PPFIBP1: variants seen among roughly 807,000 people sequenced by gnomAD.
PPFIBP1 encodes the protein liprin-beta-1.
A neutral mutation model predicts 137.8 loss-of-function variants in PPFIBP1; 112 were observed. The ratio of observed to expected loss-of-function variants is 0.81; its 90% confidence interval spans 0.70 to 0.95. The LOEUF is 0.95. Ranked by LOEUF, PPFIBP1 falls within the 40% of genes least tolerant of loss-of-function variation. The probability of loss-of-function intolerance (pLI) is 0.00; values close to 1 mark genes in which losing one functional copy is unlikely to be tolerated. For missense variants in PPFIBP1, 1,083 were observed against 1,196.6 expected, an observed-to-expected ratio of 0.91 and a Z score of 1.40; for synonymous variants, 378 against 417.3, an observed-to-expected ratio of 0.91 and a Z score of 1.15.
intron 1 of PPFIBP1, among the ~76,000 whole-genome samples, chr12:27,532,643 G>T (rs1565715334): frequency 6.6e-6 from 1 of 152,160 alleles, no homozygotes; most frequent in Non-Finnish European, 1.5e-5. Flanking sequence ...TTCATTAGAA[G>T]AGGTGGGATT....
At chr12:27,678,912 A>G (rs1272551094) in intron 19 of PPFIBP1, among the ~76,000 whole-genome samples, 3 of 151,518 alleles carry the variant, frequency 2.0e-5, no homozygotes, top group Non-Finnish European at 4.4e-5. Context: ...TCTCGGGGAA[A>G]TTGGATGAGT....
chr12:27,620,413 G>A lies in PPFIBP1; in HGVS notation c.-35-12949G>A, dbSNP rs560308557. ...CTACATGAAGCTCTCCCTTCTAGGG[G>A]CCTTTGCATTTACTGTTGTTTCTCC... is the stretch of plus-strand genomic sequence containing the variant. On this transcript the variant is annotated intron_variant, in intron 2 of 29. Coordinates refer to ENST00000228425, the MANE Select transcript of PPFIBP1 (RefSeq NM_003622.4). Among the ~76,000 whole-genome samples the A allele has an allele frequency of 3.3e-5, 5 of 152,266 alleles. No individual in the cohort carries two copies. In the South Asian group the frequency reaches 1.0e-3, roughly 32 times the overall value.
In PPFIBP1 at chr12:27,524,356, C is replaced by T. The variant is rs1385279341; in HGVS notation, c.-133C>T. ...TTTGGAACTAGTGCCGGCGGCTCTC[C>T]ACCCCCCAGGTAAGGGCGTTTTGCT... On this transcript the variant is annotated 5_prime_UTR_variant, in exon 1 of 30. Coordinates refer to ENST00000228425, the MANE Select transcript of PPFIBP1 (RefSeq NM_003622.4). The T allele has an allele frequency of 2.0e-5, 3 of 152,238 alleles. No individual in the cohort carries two copies. The highest frequency in any genetic ancestry group is 4.4e-5 in the Non-Finnish European group (3 of 68,098). The allele number at this position is 152,238 out of a possible 1,614,324, so 9.4% of individuals were successfully genotyped here.
rs145205395 is a variant in PPFIBP1, at chr12:27,650,042, G to C, written c.504G>C (p.Gln168His). The change falls in exon 7 of 30, where the codon CAG (glutamine) becomes CAC (histidine). Residue 168 changes from glutamine to histidine, a missense_variant. Transcript: ENST00000228425. Reference protein sequence around the residue: ...ELLSRTSLETQKLDLMAEISN... With the variant: ...ELLSRTSLETHKLDLMAEISN... ...TAAGTAGGACATCCTTAGAAACTCA[G>C]AAGTTGGATCTGATGGCTGAAATAT... 2.4e-4 allele frequency: 382 copies of C among 1,603,408 alleles called. No homozygotes were observed. In the African/African-American group the frequency reaches 4.7e-3, roughly 20 times the overall value.
At chr12:27,654,540 T>C in intron 7 of PPFIBP1, 182 bp from the exon 8 acceptor site, 1 of 728,856 alleles carries the variant, frequency 1.4e-6, no homozygotes, top group Non-Finnish European at 2.0e-6. Context: ...AAAGGAATGT[T>C]TTAAATGGAA....
At chr12:27,558,099 T>A (rs2048846458) in intron 1 of PPFIBP1, among the ~76,000 whole-genome samples, 1 of 152,220 alleles carries the variant, frequency 6.6e-6, no homozygotes. Context: ...ACGTGGTTCT[T>A]AGGACTTTTG....
chr12:27,594,800 A>G (rs1247916814), intron 2 of PPFIBP1, among the ~76,000 whole-genome samples: 2 of 152,248 alleles, frequency 1.3e-5, no homozygotes, highest in East Asian at 1.9e-4. Context: ...TATCTTTTCT[A>G]TTTATATAAA....
At chr12:27,595,783 G>C (rs545017537) in intron 2 of PPFIBP1, among the ~76,000 whole-genome samples, 1 of 151,612 alleles carries the variant, frequency 6.6e-6, no homozygotes, top group African/African-American at 2.4e-5. Context: ...GAACCCAGGA[G>C]GCAGAGGTTG....
At chr12:27,555,842 C>A (rs932752892) in intron 1 of PPFIBP1, among the ~76,000 whole-genome samples, 4 of 152,112 alleles carry the variant, frequency 2.6e-5, no homozygotes, top group African/African-American at 9.7e-5. Context: ...AAGTTGGGCA[C>A]CATTTTACAT....
chr12:27,634,489 A>G (rs2057509750), intron 3 of PPFIBP1, among the ~76,000 whole-genome samples: 1 of 152,192 alleles, frequency 6.6e-6, no homozygotes, highest in African/African-American at 2.4e-5. Flanking sequence ...GATAGTCTTC[A>G]TCTGGGTTCA....
chr12:27,599,722 C>T (rs183163897), intron 2 of PPFIBP1, among the ~76,000 whole-genome samples: 1 of 152,182 alleles, frequency 6.6e-6, no homozygotes, highest in Non-Finnish European at 1.5e-5. Flanking sequence ...ACTGAGGGCA[C>T]AGCATCGTTT....
intron 1 of PPFIBP1, among the ~76,000 whole-genome samples, chr12:27,544,549 A>G (rs1946020773): frequency 1.3e-5 from 2 of 152,240 alleles, no homozygotes; most frequent in African/African-American, 4.8e-5. Context: ...TTACAAGAAA[A>G]AAACAAACAA....
At chr12:27,618,719 T>C (rs1248605540) in intron 2 of PPFIBP1, among the ~76,000 whole-genome samples, 2 of 152,242 alleles carry the variant, frequency 1.3e-5, no homozygotes, top group Non-Finnish European at 2.9e-5. Context: ...CCTGACCACC[T>C]TGGGCACATG....
chr12:27,654,847 C>G, intron 8 of PPFIBP1, 33 bp downstream of exon 8: 1 of 1,596,388 alleles, frequency 6.3e-7, no homozygotes, highest in Non-Finnish European at 8.5e-7. Context: ...CATTTTCAAA[C>G]AAATGGCATC....
intron 11 of PPFIBP1, among the ~76,000 whole-genome samples, chr12:27,662,566 G>A (rs1204135484): frequency 6.6e-6 from 1 of 152,152 alleles, no homozygotes; most frequent in East Asian, 1.9e-4. Context: ...TTTACGGGTT[G>A]ACAAGATTTA....
At position 27,634,270 on chromosome 12, in the gene PPFIBP1, A is replaced by G. The variant is rs112092872; in HGVS notation, c.65-640A>G. ...GTGCAGCCTTGAAATGCTGTGCTCA[A>G]GCAATCTTCACACCTCAAGTACCTG... On this transcript the variant is annotated intron_variant, in intron 3 of 29. Coordinates refer to ENST00000228425, the MANE Select transcript of PPFIBP1 (RefSeq NM_003622.4). Among the ~76,000 whole-genome samples the G allele has an allele frequency of 8.2e-3, 1,246 of 151,732 alleles. 14 individuals carry two copies. The highest frequency in any genetic ancestry group is 0.014 in the Admixed American group (219 of 15,202).
At position 27,615,985 on chromosome 12, in the gene PPFIBP1, A is replaced by AT. The variant is rs2055705319; in HGVS notation, c.-35-17373dup. ...AGACATTTAAATGTTTCCATGCCTC[A>AT]TTTTCCTCTTCTATAAAAAGGGAAT... On this transcript the variant is annotated intron_variant, in intron 2 of 29. Coordinates refer to ENST00000228425, the MANE Select transcript of PPFIBP1 (RefSeq NM_003622.4). Among the ~76,000 whole-genome samples, 10 of 152,284 alleles carry AT rather than the reference A, an allele frequency of 6.6e-5. No homozygotes were observed. The South Asian group carries it at 2.1e-3, about 32-fold the overall frequency.
rs1007799037 is a variant in PPFIBP1, at chr12:27,685,208, A to G, written c.2248-2177A>G. ...CACACATATGTAATACTGTAGATACATAGAGTATGTATATATATATATACA... is the reference window on the plus strand; with the variant it reads ...CACACATATGTAATACTGTAGATACGTAGAGTATGTATATATATATATACA... On this transcript the variant is annotated intron_variant, in intron 24 of 29. Transcript: ENST00000228425. Among the ~76,000 whole-genome samples, 82 of 150,314 alleles carry G rather than the reference A, an allele frequency of 5.5e-4. 1 individual carries two copies.
Position 27,660,947 on chromosome 12 carries a change from T to C in PPFIBP1, c.906+2T>C. 11 of 1,612,712 alleles carry C rather than the reference T, an allele frequency of 6.8e-6. No homozygotes were observed. Among genetic ancestry groups the C allele is most frequent in the Non-Finnish European group, 9.3e-6 (11 of 1,179,544 alleles). ...TTGATGGCAGCAAATGAAGAAAAGGTATCCAGATGAAATTTAAATATACGT... is the reference window on the plus strand; with the variant it reads ...TTGATGGCAGCAAATGAAGAAAAGGCATCCAGATGAAATTTAAATATACGT... On this transcript the variant is annotated splice_donor_variant, in intron 11 of 29. Transcript: ENST00000228425. LOFTEE classifies it high-confidence loss of function.
Sources: allele counts gnomAD v4.1 joint callset (sites outside exome capture counted in the v4.1 genomes callset), GRCh38; gene constraint gnomAD v4.1.1; transcripts MANE v1.5; gene names NCBI Gene and HGNC (gene_info 2026-07-23, HGNC 2026-07-21).